KIAA1671: variants seen among roughly 807,000 people sequenced by gnomAD.
KIAA1671 encodes uncharacterized protein KIAA1671.
In KIAA1671, 52 loss-of-function variants were observed where a neutral mutation model predicts 131.2. The observed-to-expected ratio is 0.40, with a 90% CI of 0.32 to 0.50. The LOEUF is 0.50. Among genes scored for constraint, KIAA1671 ranks in the 20% least tolerant of loss-of-function variants. The pLI is 0.73. For synonymous variants in KIAA1671, 1,003 were observed against 961.6 expected (o/e 1.04, Z -0.80); for missense variants, 2,360 against 2,364.2 (o/e 1.00, Z 0.04).
At chr22:25,108,791 G>T (rs1038104622) in intron 6 of KIAA1671, among the ~76,000 whole-genome samples, 1 of 152,152 alleles carries the variant, frequency 6.6e-6, no homozygotes, top group African/African-American at 2.4e-5. Context: ...TATGGGCCAG[G>T]AATTTGGGAG....
chr22:24,995,015 C>T (rs1924036017), intron 1 of KIAA1671, among the ~76,000 whole-genome samples: 1 of 151,170 alleles, frequency 6.6e-6, no homozygotes, highest in Non-Finnish European at 1.5e-5. Flanking sequence ...CTCCAGGCTC[C>T]TGCCTCATCC....
Position 25,039,250 on chromosome 22 carries a change from T to G in KIAA1671, c.2120T>G (p.Leu707Trp), listed in dbSNP as rs983088744. The change falls in exon 5 of 13, where the codon TTG (leucine) becomes TGG (tryptophan). Residue 707 changes from leucine (L) to tryptophan (W), a missense_variant. Physicochemically the swap from Leu to Trp is moderately conservative, Grantham distance 61. Transcript: ENST00000358431. ...YHTPLRDKYP[L>W]SENHNNNTFL... ...ACGCCTCTCCGGGACAAATACCCTT[T>G]GTCTGAAAACCACAATAATAACACC... The G allele has an allele frequency of 1.3e-6, 2 of 1,552,210 alleles. No individual in the cohort carries two copies. The highest frequency in any genetic ancestry group is 2.7e-5 in the African/African-American group (2 of 73,074).
chr22:25,112,644 C>G, intron 6 of KIAA1671: 1 of 369,296 alleles, frequency 2.7e-6, no homozygotes, highest in Non-Finnish European at 4.8e-6. Context: ...AGCAATAATT[C>G]CTCTCTCCTG....
intron 11 of KIAA1671, among the ~76,000 whole-genome samples, chr22:25,186,740 T>A (rs1267322274): frequency 2.0e-5 from 3 of 152,260 alleles, no homozygotes; most frequent in Non-Finnish European, 4.4e-5. Flanking sequence ...AGGCCAGATG[T>A]ACCTGGGAGC....
intron 11 of KIAA1671, 56 bp from the exon 12 acceptor site, chr22:25,190,646 C>T (rs549113984): frequency 5.4e-5 from 79 of 1,451,056 alleles, no homozygotes; most frequent in South Asian, 1.9e-4. Flanking sequence ...CAGTCCTGCC[C>T]GCAAGGAGCC....
At chr22:25,170,742 CTGATT>C (rs1933818158) in intron 6 of KIAA1671, 73 bp from the exon 7 acceptor site, 1 of 1,410,870 alleles carries the variant, frequency 7.1e-7, no homozygotes, top group African/African-American at 1.4e-5. Context: ...GCCATGCGAT[CTGATT>C]TGTGTGTCAG....
At chr22:25,118,159 AAAT>A (rs1341335929) in intron 6 of KIAA1671, among the ~76,000 whole-genome samples, 59 of 121,834 alleles carry the variant, frequency 4.8e-4, no homozygotes, top group Non-Finnish European at 8.2e-4. Context: ...AAAAAAAAAA[AAAT>A]GTCAGCAGTC....
At chr22:25,173,597 G>A (rs570307012) in intron 7 of KIAA1671, among the ~76,000 whole-genome samples, 75 of 152,234 alleles carry the variant, frequency 4.9e-4, no homozygotes, top group Non-Finnish European at 9.0e-4. Flanking sequence ...CCCCGGAAAC[G>A]TGTAATTACT....
intron 1 of KIAA1671, among the ~76,000 whole-genome samples, chr22:24,978,164 T>C (rs1439402693): frequency 6.6e-6 from 1 of 152,182 alleles, no homozygotes; most frequent in African/African-American, 2.4e-5. Flanking sequence ...ATTGTACTCC[T>C]ATAATTCCCA....
intron 1 of KIAA1671, among the ~76,000 whole-genome samples, chr22:24,985,874 T>C (rs1923502178): frequency 6.6e-6 from 1 of 151,956 alleles, no homozygotes; most frequent in Non-Finnish European, 1.5e-5. Context: ...CCCCTTCCCA[T>C]TGAGGATTTT....
At chr22:24,997,123 G>A (rs773203837) in intron 1 of KIAA1671, among the ~76,000 whole-genome samples, 48 of 152,150 alleles carry the variant, frequency 3.2e-4, no homozygotes, top group Non-Finnish European at 6.6e-4. Context: ...CACATGCCAG[G>A]CAAGGATCTC....
rs1458579490 is a variant in KIAA1671 at position 25,190,722 on chromosome 22, A to G, written c.5363A>G (p.Gln1788Arg). The change falls in exon 12 of 13, where the codon CAG becomes CGG. Residue 1788 changes from glutamine to arginine, a missense_variant. Coordinates refer to ENST00000358431, the MANE Select transcript of KIAA1671 (RefSeq NM_001145206.2). ...TTCAGGTCGGATGAACCCTCTCCCC[A>G]GTGGCTAAAGGAATTGAAATCCAAG... The part of the protein sequence containing the change: ...KDERSDEPSP[Q>R]WLKELKSKKR... 1.9e-6 allele frequency: 3 copies of G among 1,551,806 alleles called. No homozygotes were observed. Among genetic ancestry groups the G allele is most frequent in the Non-Finnish European group, 2.6e-6 (3 of 1,146,918 alleles).
chr22:25,177,085 G>A (rs114600141), intron 8 of KIAA1671: 154 of 432,908 alleles, frequency 3.6e-4, no homozygotes, highest in African/African-American at 2.7e-3. Context: ...TGCCTACTGG[G>A]TGCCAGGAAG....
chr22:24,977,180 C>T (rs373059961), intron 1 of KIAA1671, among the ~76,000 whole-genome samples: 7 of 152,168 alleles, frequency 4.6e-5, no homozygotes, highest in East Asian at 3.8e-4. Context: ...CACGTTTCCA[C>T]GATCAGCATC....
intron 6 of KIAA1671, among the ~76,000 whole-genome samples, chr22:25,077,962 T>A (rs1277517533): frequency 6.6e-6 from 1 of 152,200 alleles, no homozygotes; most frequent in Non-Finnish European, 1.5e-5. Flanking sequence ...CCTCAGTGTG[T>A]GGGATCTTGA....
chr22:24,996,223 T>G (rs1924127602), intron 1 of KIAA1671, among the ~76,000 whole-genome samples: 1 of 148,370 alleles, frequency 6.7e-6, no homozygotes, highest in Non-Finnish European at 1.5e-5. Context: ...GGTGGAGGGC[T>G]CCCTCTCGGA....
chr22:25,093,740 C>CTCTCTCTCTTTCTCTCTCTCTCTCTG (rs1930166880), intron 6 of KIAA1671, among the ~76,000 whole-genome samples: 1 of 101,482 alleles, frequency 9.9e-6, no homozygotes, highest in Admixed American at 8.9e-5. Context: ...CACACACACT[C>CTCTCTCTCTTTCTCTCTCTCTCTCTG]TCTCTCTCTC....
At chr22:25,115,857 A>G (rs958317428) in intron 6 of KIAA1671, among the ~76,000 whole-genome samples, 1 of 152,112 alleles carries the variant, frequency 6.6e-6, no homozygotes, top group South Asian at 2.1e-4. Flanking sequence ...GCTCACTGCA[A>G]CCTCCACCTC....
At chr22:25,135,989 GAA>G in intron 6 of KIAA1671, among the ~76,000 whole-genome samples, 1 of 152,378 alleles carries the variant, frequency 6.6e-6, no homozygotes, top group Non-Finnish European at 1.5e-5. Flanking sequence ...TCAGGAAGGT[GAA>G]GTGGCTTGCC....
Sources: allele counts gnomAD v4.1 joint callset (sites outside exome capture counted in the v4.1 genomes callset), GRCh38; gene constraint gnomAD v4.1.1; transcripts MANE v1.5; gene names NCBI Gene and HGNC (gene_info 2026-07-23, HGNC 2026-07-21).